The following ARHGEF26 variants were observed in gnomAD, a reference collection of about 807,000 sequenced individuals.
ARHGEF26 encodes the protein Rho guanine nucleotide exchange factor (GEF) 26.
Under a neutral mutation model 89.4 loss-of-function variants are expected in ARHGEF26, and 59 were observed. The observed-to-expected ratio is 0.66, with a 90% CI of 0.54 to 0.82. The LOEUF (loss-of-function observed/expected upper bound fraction) is 0.82, where lower values mean the gene tolerates loss of function less well. ARHGEF26 is among the 40% of genes least tolerant of loss of function. The pLI, the probability that ARHGEF26 is intolerant of heterozygous loss-of-function variation, is 0.00. For missense variants in ARHGEF26, 1,234 were observed against 1,085.6 expected (o/e 1.14, Z -1.92); for synonymous variants, 500 against 428.4 (o/e 1.17, Z -2.06).
At position 154,239,402 on chromosome 3, in the gene ARHGEF26, G is replaced by A. The variant is rs910250836; in HGVS notation, c.2091-968G>A. ...GCAGTGAAACTCAAGGGAGAGGATC[G>A]GAAACGATCCAGGGGTCTATAGATG... On this transcript the variant is annotated intron_variant, in intron 11 of 14. Transcript: ENST00000465093. 4.0e-5 allele frequency among the ~76,000 whole-genome samples: 6 copies of A among 150,112 alleles called. 1 individual carries two copies. Among genetic ancestry groups the A allele is most frequent in the Admixed American group, 2.0e-4 (3 of 15,056 alleles).
intron 3 of ARHGEF26, 84 bp from the exon 4 acceptor site, chr3:154,129,490 A>G: frequency 7.0e-7 from 1 of 1,425,434 alleles, no homozygotes; most frequent in Non-Finnish European, 9.4e-7. Context: ...GAGGCCAAAC[A>G]TTGGGTACAT....
chr3:154,124,579 G>C, intron 3 of ARHGEF26, 130 bp downstream of exon 3: 1 of 808,396 alleles, frequency 1.2e-6, no homozygotes, highest in Non-Finnish European at 1.9e-6. Flanking sequence ...AAATTATACA[G>C]TCCAAAGCTT....
chr3:154,165,277 T>C (rs1711943251), intron 6 of ARHGEF26, among the ~76,000 whole-genome samples: 1 of 152,168 alleles, frequency 6.6e-6, no homozygotes, highest in South Asian at 2.1e-4. Context: ...GCTTTTGTGA[T>C]TGTAATATAA....
At chr3:154,197,034 T>A (rs994029475) in intron 9 of ARHGEF26, among the ~76,000 whole-genome samples, 2 of 152,180 alleles carry the variant, frequency 1.3e-5, no homozygotes, top group Non-Finnish European at 2.9e-5. Flanking sequence ...CATCTCTTGT[T>A]CACTTGATTT....
chr3:154,170,400 T>C (rs2108137670), intron 6 of ARHGEF26, among the ~76,000 whole-genome samples: 1 of 152,208 alleles, frequency 6.6e-6, no homozygotes, highest in East Asian at 1.9e-4. Flanking sequence ...AACAAACCCA[T>C]GACTTCCTAT....
chr3:154,207,263 A>G (rs899861485), intron 9 of ARHGEF26, among the ~76,000 whole-genome samples: 1 of 152,222 alleles, frequency 6.6e-6, no homozygotes, highest in Non-Finnish European at 1.5e-5. Context: ...ATGAGATCTA[A>G]TTAAACTAAA....
rs755382272 is a variant in ARHGEF26, at chr3:154,122,052, G to A, written c.60G>A (p.Arg20=). The change falls in exon 2 of 15, where the codon AGG becomes AGA. Residue 20 remains arginine, a synonymous_variant. Coordinates refer to ENST00000465093, the MANE Select transcript of ARHGEF26 (RefSeq NM_015595.4). ...SSNSITPLWR[R]RSIPQPHQVL... ...ACAGCATAACCCCTTTGTGGCGGAG[G>A]CGGTCGATTCCTCAGCCCCACCAGG... 16 of 1,611,772 alleles carry A rather than the reference G, an allele frequency of 9.9e-6. No individual in the cohort carries two copies. Among genetic ancestry groups the A allele is most frequent in the Non-Finnish European group, 1.4e-5 (16 of 1,178,372 alleles).
At chr3:154,231,196 G>A (rs962885457) in intron 11 of ARHGEF26, among the ~76,000 whole-genome samples, 1 of 152,140 alleles carries the variant, frequency 6.6e-6, no homozygotes, top group African/African-American at 2.4e-5. Context: ...AGATGGGGTG[G>A]AAAAGAAATG....
intron 9 of ARHGEF26, among the ~76,000 whole-genome samples, chr3:154,212,199 C>T (rs1223375801): frequency 2.0e-5 from 3 of 151,906 alleles, no homozygotes; most frequent in African/African-American, 7.3e-5. Context: ...ATTAGCCTGG[C>T]ATACAGCTGT....
intron 9 of ARHGEF26, among the ~76,000 whole-genome samples, chr3:154,200,395 C>G (rs1164628853): frequency 6.6e-6 from 1 of 151,944 alleles, no homozygotes; most frequent in Non-Finnish European, 1.5e-5. Context: ...TTTCTAAGTT[C>G]TTTTTTCTGC....
At chr3:154,127,913 A>G (rs1401626843) in intron 3 of ARHGEF26, among the ~76,000 whole-genome samples, 4 of 152,138 alleles carry the variant, frequency 2.6e-5, no homozygotes, top group African/African-American at 7.2e-5. Context: ...TCAAAACAAT[A>G]TTATGCAATG....
intron 11 of ARHGEF26, among the ~76,000 whole-genome samples, chr3:154,237,255 A>G (rs964649723): frequency 6.6e-6 from 1 of 152,166 alleles, no homozygotes; most frequent in Admixed American, 6.5e-5. Flanking sequence ...ATGACTGAAA[A>G]TTGAAAAAGA....
intron 3 of ARHGEF26, among the ~76,000 whole-genome samples, chr3:154,126,945 ATACTG>A (rs1462917870): frequency 7.9e-5 from 12 of 152,210 alleles, no homozygotes; most frequent in African/African-American, 2.9e-4. Context: ...ACTGTACTGA[ATACTG>A]TAGGCAGTTG....
In ARHGEF26 at chr3:154,237,572, A is replaced by ACACACACT. The variant is rs1188247588; in HGVS notation, c.2091-2797_2091-2796insACACACTC. On this transcript the variant is annotated intron_variant, in intron 11 of 14. Transcript: ENST00000465093. ...CACACACACACACACACACACACAC[A>ACACACACT]CTTAACTAGTTTATTCATATTAGCT... is the stretch of plus-strand genomic sequence containing the variant. Among the ~76,000 whole-genome samples the ACACACACT allele has an allele frequency of 2.5e-4, 38 of 151,354 alleles. No homozygotes were observed. In the South Asian group the frequency reaches 2.5e-3, roughly 10 times the overall value.
intron 3 of ARHGEF26, among the ~76,000 whole-genome samples, chr3:154,126,608 G>A (rs1382329854): frequency 6.6e-6 from 1 of 152,170 alleles, no homozygotes; most frequent in Non-Finnish European, 1.5e-5. Flanking sequence ...TATCATGACA[G>A]TGTGAAAGAA....
chr3:154,175,739 G>A (rs981605167), intron 6 of ARHGEF26, among the ~76,000 whole-genome samples: 3 of 152,254 alleles, frequency 2.0e-5, no homozygotes, highest in African/African-American at 4.8e-5. Context: ...CCCCTTCAAA[G>A]GAAGGTATTG....
intron 6 of ARHGEF26, among the ~76,000 whole-genome samples, chr3:154,156,872 G>A (rs1053066570): frequency 1.3e-5 from 2 of 152,150 alleles, no homozygotes; most frequent in African/African-American, 2.4e-5. Flanking sequence ...TGTTAAGTAT[G>A]TCATAACCAG....
chr3:154,124,571 A>G, intron 3 of ARHGEF26, 122 bp downstream of exon 3: 1 of 889,738 alleles, frequency 1.1e-6, no homozygotes, highest in East Asian at 2.8e-5. Flanking sequence ...TTCTTCTCAA[A>G]TTATACAGTC....
upstream of ARHGEF26, chr3:154,121,292 G>GA (rs1156623654): frequency 2.0e-5 from 3 of 152,202 alleles, no homozygotes; most frequent in African/African-American, 7.2e-5. Context: ...GCGGGGGCGG[G>GA]AAGACAGCTT....
Sources: allele counts gnomAD v4.1 joint callset (sites outside exome capture counted in the v4.1 genomes callset), GRCh38; gene constraint gnomAD v4.1.1; transcripts MANE v1.5; gene names NCBI Gene and HGNC (gene_info 2026-07-23, HGNC 2026-07-21).